The following CASR variants were observed in gnomAD, a reference collection of about 807,000 sequenced individuals.
CASR encodes extracellular calcium-sensing receptor.
Under a neutral mutation model 69.1 loss-of-function variants are expected in CASR, and 23 were observed. The observed-to-expected ratio is 0.33, with a 90% CI of 0.24 to 0.47. The LOEUF is 0.47. Ranked by LOEUF, CASR falls within the 20% of genes least tolerant of loss-of-function variation. The probability of loss-of-function intolerance (pLI) is 1.00; values close to 1 mark genes in which losing one functional copy is unlikely to be tolerated. For missense variants in CASR, 924 were observed against 1,356.1 expected, an observed-to-expected ratio of 0.68 and a Z score of 5.00; for synonymous variants, 541 against 544.7, an observed-to-expected ratio of 0.99 and a Z score of 0.10.
chr3:122,285,176 C>A lies in CASR; in HGVS notation c.3222C>A (p.Asn1074Lys), dbSNP rs1182793884. The A allele has an allele frequency of 6.2e-7, 1 of 1,613,976 alleles. No individual in the cohort carries two copies. The highest frequency in any genetic ancestry group is 1.1e-5 in the South Asian group (1 of 91,082). ...GTGGAGGCAGCACTGTTACAGAAAA[C>A]GTAGTGAATTCATAAAATGGAAGGA... ...ISGGGSTVTE[N>K]VVNS Residue 1074 changes from asparagine to lysine, a missense_variant, in exon 7 of 7, where the codon AAC (asparagine) becomes AAA (lysine). Physicochemically the swap from Asn to Lys is moderately conservative, Grantham distance 94 (BLOSUM62 0). Coordinates refer to ENST00000639785, the MANE Select transcript of CASR (RefSeq NM_000388.4).
intron 1 of CASR, among the ~76,000 whole-genome samples, chr3:122,203,251 T>C (rs2073975013): frequency 6.6e-6 from 1 of 152,190 alleles, no homozygotes; most frequent in Non-Finnish European, 1.5e-5. Flanking sequence ...ATTCCAACAA[T>C]ATTGAGCCTT....
chr3:122,185,334 C>T (rs1280197651), intron 1 of CASR, among the ~76,000 whole-genome samples: 1 of 152,196 alleles, frequency 6.6e-6, no homozygotes, highest in Non-Finnish European at 1.5e-5. Context: ...CACCACTGCC[C>T]ACATCCCTTA....
At chr3:122,251,222 T>C (rs115333982) in intron 1 of CASR, among the ~76,000 whole-genome samples, 2,045 of 152,264 alleles carry the variant, frequency 0.013, 43 homozygotes, top group African/African-American at 0.047. Context: ...GATTAAGAGA[T>C]TGAGCTCTGG....
At chr3:122,261,197 TAA>T (rs2074617117) in intron 3 of CASR, among the ~76,000 whole-genome samples, 1 of 152,158 alleles carries the variant, frequency 6.6e-6, no homozygotes, top group African/African-American at 2.4e-5. Flanking sequence ...AAACGGTGCA[TAA>T]AGACTCTTCT....
chr3:122,271,994 T>C (rs1163790086), intron 4 of CASR, among the ~76,000 whole-genome samples: 2 of 152,178 alleles, frequency 1.3e-5, no homozygotes, highest in Non-Finnish European at 2.9e-5. Context: ...GATGAACATT[T>C]GGATTGTTCC....
At chr3:122,281,706 C>T (rs1349368390) in intron 5 of CASR, among the ~76,000 whole-genome samples, 1 of 152,052 alleles carries the variant, frequency 6.6e-6, no homozygotes, top group African/African-American at 2.4e-5. Flanking sequence ...CTTTTTTGCA[C>T]TCCTGAGCAT....
chr3:122,185,971 C>G (rs1576809023), intron 1 of CASR, among the ~76,000 whole-genome samples: 1 of 102,312 alleles, frequency 9.8e-6, no homozygotes, highest in South Asian at 2.8e-4. Context: ...ACCACACATG[C>G]GAGTTACTTC....
intron 2 of CASR, among the ~76,000 whole-genome samples, chr3:122,254,930 T>C (rs991000440): frequency 1.1e-4 from 17 of 152,052 alleles, no homozygotes; most frequent in Non-Finnish European, 2.4e-4. Context: ...GTCTTTTGCA[T>C]AGGAAGGTTA....
At chr3:122,252,344 GAAGA>G (rs756437138) in intron 1 of CASR, among the ~76,000 whole-genome samples, 2,002 of 47,946 alleles carry the variant, frequency 0.042, 283 homozygotes, top group Middle Eastern at 0.057. Flanking sequence ...GAGAAAGAAA[GAAGA>G]AAGAAAGAAA....
intron 5 of CASR, among the ~76,000 whole-genome samples, chr3:122,279,196 G>C (rs764833141): frequency 6.6e-6 from 1 of 152,188 alleles, no homozygotes; most frequent in Non-Finnish European, 1.5e-5. Context: ...GGTAGAAAGA[G>C]TCTAGGTGTC....
intron 5 of CASR, among the ~76,000 whole-genome samples, chr3:122,277,323 A>G (rs2074834927): frequency 6.6e-6 from 1 of 152,132 alleles, no homozygotes; most frequent in Non-Finnish European, 1.5e-5. Flanking sequence ...CTCAGATGAC[A>G]GACGTGAGCC....
chr3:122,284,356 T>A lies in CASR; in HGVS notation c.2402T>A (p.Phe801Tyr). The change falls in exon 7 of 7, where the codon TTC becomes TAC. Residue 801 changes from phenylalanine to tyrosine, a missense_variant. Phe to Tyr is a conservative substitution (Grantham distance 22, BLOSUM62 3). Coordinates refer to ENST00000639785, the MANE Select transcript of CASR (RefSeq NM_000388.4). Reference sequence around the variant, plus strand: ...AAGTCCCGGAAGCTGCCGGAGAACTTCAATGAAGCCAAGTTCATCACCTTC... The same window carrying A: ...AAGTCCCGGAAGCTGCCGGAGAACTACAATGAAGCCAAGTTCATCACCTTC... Reference protein sequence around the residue: ...AFKSRKLPENFNEAKFITFSM... With the variant: ...AFKSRKLPENYNEAKFITFSM... 1 of 1,614,144 alleles carries A rather than the reference T, an allele frequency of 6.2e-7. No individual in the cohort carries two copies.
intron 4 of CASR, among the ~76,000 whole-genome samples, chr3:122,264,961 C>T (rs1188702851): frequency 6.6e-6 from 1 of 152,218 alleles, no homozygotes; most frequent in African/African-American, 2.4e-5. Context: ...AGTTCTTCCC[C>T]TATAAGCCAA....
intron 1 of CASR, among the ~76,000 whole-genome samples, chr3:122,213,826 G>A (rs1341252187): frequency 6.6e-6 from 1 of 152,228 alleles, no homozygotes; most frequent in Non-Finnish European, 1.5e-5. Flanking sequence ...GATCTGAGAT[G>A]ACTTACTCAT....
intron 1 of CASR, among the ~76,000 whole-genome samples, chr3:122,228,703 G>A (rs1414517881): frequency 2.0e-5 from 3 of 152,214 alleles, no homozygotes; most frequent in Non-Finnish European, 4.4e-5. Context: ...ACACTTACAT[G>A]TGTTAGTACA....
chr3:122,243,371 T>C (rs182246378), intron 1 of CASR, among the ~76,000 whole-genome samples: 1 of 152,210 alleles, frequency 6.6e-6, no homozygotes, highest in East Asian at 1.9e-4. Context: ...AAGATCTGAA[T>C]AGACCTTTCT....
At chr3:122,276,338 C>A (rs539963643) in intron 5 of CASR, among the ~76,000 whole-genome samples, 5 of 152,312 alleles carry the variant, frequency 3.3e-5, no homozygotes, top group African/African-American at 1.2e-4. Flanking sequence ...CTTTCCCTAA[C>A]CAGAGCAAAA....
chr3:122,212,581 T>TA (rs1559939749), intron 1 of CASR, among the ~76,000 whole-genome samples: 2 of 151,796 alleles, frequency 1.3e-5, no homozygotes, highest in African/African-American at 4.8e-5. Flanking sequence ...ATAATTTTTT[T>TA]AAAAAAAGAA....
chr3:122,258,045 AT>A (rs1379067798), intron 3 of CASR, among the ~76,000 whole-genome samples: 1 of 152,142 alleles, frequency 6.6e-6, no homozygotes, highest in African/African-American at 2.4e-5. Flanking sequence ...TCAGTGGTGC[AT>A]TTTTTTCACC....
Sources: allele counts gnomAD v4.1 joint callset (sites outside exome capture counted in the v4.1 genomes callset), GRCh38; gene constraint gnomAD v4.1.1; transcripts MANE v1.5; gene names NCBI Gene and HGNC (gene_info 2026-07-23, HGNC 2026-07-21).